The following CATSPER2 variants were observed in gnomAD, a reference collection of about 807,000 sequenced individuals.
The protein encoded by CATSPER2 is cation channel sperm associated 2.
CATSPER2 carries 56 observed loss-of-function variants against 68.8 expected under a neutral mutation model. That is an observed-to-expected ratio of 0.81 (90% CI 0.66 to 1.02). The LOEUF is 1.02. CATSPER2 is among the 50% of genes least tolerant of loss of function. The pLI is 0.00. For missense variants in CATSPER2, 582 were observed against 642.0 expected (o/e 0.91, Z 1.01); for synonymous variants, 198 against 229.9 (o/e 0.86, Z 1.26).
chr15:43,644,516 C>T lies in CATSPER2; in HGVS notation c.388+2534G>A, dbSNP rs535944269. Among the ~76,000 whole-genome samples, 10 of 152,016 alleles carry T rather than the reference C, an allele frequency of 6.6e-5. No homozygotes were observed. The South Asian group carries it at 8.3e-4, about 13-fold the overall frequency. The stretch of plus-strand genomic sequence containing the variant: ...GGCAGGGGTCCCAAGCCCCAGGCTA[C>T]GGACTGGTACCAGTCCATGGTCTGT... On this transcript the variant is annotated intron_variant, in intron 4 of 12. Transcript: ENST00000396879.
Position 43,635,381 on chromosome 15 carries a change from C to A in CATSPER2, c.1157G>T (p.Ser386Ile). ...TAACCTGTCCTCTATTTTGCTATGG[C>A]TTGACGTCAGTGCTTCATGTGACAT... The part of the protein sequence containing the change: ...KNMSHEALTS[S>I]HSKIEDSSRG... The change falls in exon 10 of 13, where the codon AGC (serine) becomes ATC (isoleucine). Residue 386 changes from serine (S) to isoleucine (I), a missense_variant. Physicochemically the swap from Ser to Ile is moderately radical, Grantham distance 142. This residue lies in a region of CATSPER2 where 235 missense variants were observed against 264.2 expected (regional missense o/e 0.89). Coordinates refer to ENST00000396879, the MANE Select transcript of CATSPER2 (RefSeq NM_172095.4). 2 of 1,609,604 alleles carry A rather than the reference C, an allele frequency of 1.2e-6. No homozygotes were observed. Among genetic ancestry groups the A allele is most frequent in the Non-Finnish European group, 1.7e-6 (2 of 1,179,138 alleles).
chr15:43,644,569 G>C (rs2141577722), intron 4 of CATSPER2, among the ~76,000 whole-genome samples: 1 of 152,100 alleles, frequency 6.6e-6, no homozygotes, highest in East Asian at 1.9e-4. Context: ...AGCAGGAAGT[G>C]AGTGGTGGGT....
chr15:43,632,418 G>C, intron 11 of CATSPER2, 55 bp from the exon 12 acceptor site: 3 of 1,600,768 alleles, frequency 1.9e-6, no homozygotes, highest in Non-Finnish European at 1.7e-6. Flanking sequence ...AGTTGGGTAA[G>C]AGCTGGTAAA....
intron 6 of CATSPER2, 141 bp from the exon 7 acceptor site, chr15:43,639,169 G>A: frequency 5.2e-6 from 5 of 954,408 alleles, no homozygotes; most frequent in Non-Finnish European, 3.2e-6. Context: ...CATGGCACCT[G>A]TCCCCAGCCC....
chr15:43,639,039 T>G lies in CATSPER2; in HGVS notation c.718-11A>C. 6.2e-7 allele frequency: 1 copy of G among 1,611,444 alleles called. No homozygotes were observed. Among genetic ancestry groups the G allele is most frequent in the Non-Finnish European group, 8.5e-7 (1 of 1,178,518 alleles). ...GAGGAAGGTCATGCTCTAGAGGCCA[T>G]AACTCTCATGTCAGATGTGGGCCAA... On this transcript the variant is annotated splice_polypyrimidine_tract_variant and intron_variant, in intron 6 of 12. Coordinates refer to ENST00000396879, the MANE Select transcript of CATSPER2 (RefSeq NM_172095.4).
At chr15:43,633,504 C>G (rs1391328427) in intron 10 of CATSPER2, 2 of 161,488 alleles carry the variant, frequency 1.2e-5, no homozygotes, top group Non-Finnish European at 2.7e-5. Flanking sequence ...ACCAAGCATG[C>G]TTCCAGCTTC....
At chr15:43,636,720 GACTA>G (rs2085971323) in intron 7 of CATSPER2, among the ~76,000 whole-genome samples, 1 of 151,360 alleles carries the variant, frequency 6.6e-6, no homozygotes, top group Non-Finnish European at 1.5e-5. Flanking sequence ...AATAATCTAT[GACTA>G]ACTCTCACTA....
chr15:43,648,876 C>G (rs1190048522), upstream of CATSPER2: 2 of 1,501,242 alleles, frequency 1.3e-6, no homozygotes, highest in Non-Finnish European at 1.8e-6. Flanking sequence ...CTAGGCCCCG[C>G]CCCGCCCCGC....
chr15:43,630,990 A>G (rs544630637), intron 12 of CATSPER2, among the ~76,000 whole-genome samples: 1 of 152,166 alleles, frequency 6.6e-6, no homozygotes, highest in East Asian at 1.9e-4. Context: ...AAGAATGACT[A>G]GAAGGAACAG....
chr15:43,639,085 C>T, intron 6 of CATSPER2, 57 bp from the exon 7 acceptor site: 2 of 1,600,938 alleles, frequency 1.2e-6, no homozygotes, highest in African/African-American at 1.3e-5. Flanking sequence ...TCTCCACCAA[C>T]AGCCCAGTCA....
At chr15:43,637,719 T>C (rs1021223565) in intron 7 of CATSPER2, 1 of 151,948 alleles carries the variant, frequency 6.6e-6, no homozygotes, top group Non-Finnish European at 1.5e-5. Flanking sequence ...TTTTAGTACA[T>C]GTGCTGCCGA....
rs528234902 is a variant in CATSPER2 at position 43,639,859 on chromosome 15, G to C, written c.562-61C>G. ...CCCAAGGCACCCAGGCAGAATTGCA[G>C]CTTCTTCATCTTATCCTCTTCATTG... On this transcript the variant is annotated intron_variant, in intron 5 of 12. Transcript: ENST00000396879. 4,087 of 1,605,472 alleles carry C rather than the reference G, an allele frequency of 2.5e-3. 31 individuals carry two copies. Among genetic ancestry groups the C allele is most frequent in the Middle Eastern group, 3.6e-3 (21 of 5,764 alleles).
chr15:43,631,564 C>A, intron 12 of CATSPER2: 1 of 365,264 alleles, frequency 2.7e-6, no homozygotes, highest in Non-Finnish European at 5.7e-6. Context: ...TGTATTAAGC[C>A]AAATTAGTCA....
At chr15:43,642,827 G>C (rs1266443082) in intron 4 of CATSPER2, 1 of 148,444 alleles carries the variant, frequency 6.7e-6, no homozygotes, top group Non-Finnish European at 1.5e-5. Flanking sequence ...AGAATGTGCA[G>C]AAGTGACTGC....
intron 1 of CATSPER2, among the ~76,000 whole-genome samples, chr15:43,648,407 G>C (rs1269286745): frequency 2.6e-5 from 4 of 152,008 alleles, no homozygotes; most frequent in Non-Finnish European, 5.9e-5. Flanking sequence ...CCCGGGGCTG[G>C]ACAAAGAATC....
chr15:43,639,176 G>A, intron 6 of CATSPER2, 148 bp from the exon 7 acceptor site: 1 of 901,066 alleles, frequency 1.1e-6, no homozygotes, highest in East Asian at 2.7e-5. Flanking sequence ...CCTGTCCCCA[G>A]CCCCTTCTCA....
rs750030454 is a variant in CATSPER2, at chr15:43,635,391, G to A, written c.1147C>T (p.Leu383=). ...QRRKNMSHEA[L]TSSHSKIEDS... ...TCTATTTTGCTATGGCTTGACGTCA[G>A]TGCTTCATGTGACATGTTTTTTCTC... Residue 383 remains leucine, a synonymous_variant, in exon 10 of 13, where the codon CTG becomes TTG. Coordinates refer to ENST00000396879, the MANE Select transcript of CATSPER2 (RefSeq NM_172095.4). 87 of 1,609,504 alleles carry A rather than the reference G, an allele frequency of 5.4e-5. No homozygotes were observed. Among genetic ancestry groups the A allele is most frequent in the Non-Finnish European group, 6.6e-5 (78 of 1,179,288 alleles).
At chr15:43,631,634 C>T (rs539577959) in intron 12 of CATSPER2, 1 of 272,126 alleles carries the variant, frequency 3.7e-6, no homozygotes, top group East Asian at 9.9e-5. Context: ...TTACATCAAA[C>T]TCTACTATTT....
intron 12 of CATSPER2, among the ~76,000 whole-genome samples, chr15:43,631,247 C>T (rs562259489): frequency 1.2e-4 from 19 of 152,098 alleles, no homozygotes; most frequent in African/African-American, 4.6e-4. Flanking sequence ...TTTGGTTTGT[C>T]TTGAGACGGA....
Sources: gnomAD v4.1 joint callset for allele counts (sites outside exome capture counted in the v4.1 genomes callset) on GRCh38, gnomAD v4.1.1 for gene constraint, gnomAD v4.1.1 regional missense constraint, MANE v1.5 for transcripts, NCBI Gene and HGNC (gene_info 2026-07-23, HGNC 2026-07-21) for gene names.